The following PLD5 variants were observed in gnomAD, a reference collection of about 807,000 sequenced individuals.
PLD5 encodes phospholipase D family member 5, also known as inactive phospholipase D5.
Under a neutral mutation model 61.1 loss-of-function variants are expected in PLD5, and 36 were observed. The observed-to-expected ratio is 0.59, with a 90% CI of 0.45 to 0.78. The LOEUF is 0.78. Ranked by LOEUF, PLD5 falls within the 30% of genes least tolerant of loss-of-function variation. The pLI, the probability that PLD5 is intolerant of heterozygous loss-of-function variation, is 0.00. For synonymous variants in PLD5, 243 were observed against 242.8 expected (o/e 1.00, Z -0.01); for missense variants, 515 against 644.4 (o/e 0.80, Z 2.17).
intron 3 of PLD5, 117 bp from the exon 4 acceptor site, chr1:242,265,565 C>A: frequency 2.3e-6 from 2 of 884,276 alleles, no homozygotes; most frequent in Non-Finnish European, 3.4e-6. Flanking sequence ...AAAAGTCAAG[C>A]ATTTCAACAA....
intron 5 of PLD5, among the ~76,000 whole-genome samples, chr1:242,155,074 G>A (rs997757575): frequency 6.6e-6 from 1 of 152,134 alleles, no homozygotes; most frequent in African/African-American, 2.4e-5. Flanking sequence ...TTAGACTTGG[G>A]AGGGTGTATG....
intron 4 of PLD5, among the ~76,000 whole-genome samples, chr1:242,245,783 C>A (rs1278915745): frequency 1.3e-5 from 2 of 152,120 alleles, no homozygotes; most frequent in African/African-American, 2.4e-5. Context: ...ATTTGCTGAG[C>A]AAGAAAGACT....
At chr1:242,282,256 A>G (rs1211771646) in intron 3 of PLD5, among the ~76,000 whole-genome samples, 9 of 152,146 alleles carry the variant, frequency 5.9e-5, no homozygotes, top group Non-Finnish European at 8.8e-5. Flanking sequence ...TGATTTTGCT[A>G]TTGAGGAAAC....
chr1:242,375,933 A>C (rs759051257), intron 1 of PLD5, among the ~76,000 whole-genome samples: 45 of 152,204 alleles, frequency 3.0e-4, no homozygotes, highest in Non-Finnish European at 5.1e-4. Context: ...CCAGAACAGG[A>C]AACGCCAACT....
intron 7 of PLD5, among the ~76,000 whole-genome samples, chr1:242,110,268 AGAGT>A (rs1451214629): frequency 6.6e-6 from 1 of 151,900 alleles, no homozygotes; most frequent in Non-Finnish European, 1.5e-5. Flanking sequence ...AAGGGGAGGA[AGAGT>A]GATTTAAGGC....
At chr1:242,159,547 C>T (rs12134852) in intron 5 of PLD5, among the ~76,000 whole-genome samples, 3,738 of 152,106 alleles carry the variant, frequency 0.025, 67 homozygotes, top group Non-Finnish European at 0.035. Flanking sequence ...TATGGTTCTC[C>T]GAGGTGGGGT....
Position 242,318,981 on chromosome 1 carries a change from C to T in PLD5, c.326+29125G>A, listed in dbSNP as rs569593524. Among the ~76,000 whole-genome samples, 5 of 152,232 alleles carry T rather than the reference C, an allele frequency of 3.3e-5. No homozygotes were observed. The South Asian group carries it at 8.3e-4, about 25-fold the overall frequency. On this transcript the variant is annotated intron_variant, in intron 2 of 9. Coordinates refer to ENST00000536534, the MANE Select transcript of PLD5 (RefSeq NM_001372062.1). ...GGTGGAGGCAAGTGACTCTGTCTTG[C>T]TGATTTCAGTCTCCCCTGATGTCAC... is the stretch of plus-strand genomic sequence containing the variant.
intron 5 of PLD5, among the ~76,000 whole-genome samples, chr1:242,170,612 C>A (rs1666676339): frequency 6.6e-6 from 1 of 152,082 alleles, no homozygotes; most frequent in Non-Finnish European, 1.5e-5. Context: ...CTCCTCTGAG[C>A]TAAAGGAGCA....
chr1:242,321,892 T>C (rs949701786), intron 2 of PLD5, among the ~76,000 whole-genome samples: 4 of 152,208 alleles, frequency 2.6e-5, no homozygotes, highest in Non-Finnish European at 4.4e-5. Context: ...TCTTCACCCC[T>C]ACGCAGTTGT....
Position 242,382,128 on chromosome 1 carries a change from C to CAAAAAAAAAAAAAA in PLD5, c.190-33887_190-33886insTTTTTTTTTTTTTT, listed in dbSNP as rs34582650. 2.4e-3 allele frequency among the ~76,000 whole-genome samples: 299 copies of CAAAAAAAAAAAAAA among 125,446 alleles called. 2 individuals carry two copies. Among genetic ancestry groups the CAAAAAAAAAAAAAA allele is most frequent in the East Asian group, 7.8e-3 (34 of 4,354 alleles). The allele number at this position is 125,446 out of a possible 152,430, so 82.3% of individuals were successfully genotyped here. A position where few individuals can be genotyped will look rare whatever the true frequency, so the allele number is the denominator to read the frequency against. On this transcript the variant is annotated intron_variant, in intron 1 of 9. Coordinates refer to ENST00000536534, the MANE Select transcript of PLD5 (RefSeq NM_001372062.1). ...CAACTGATAGCGGAGACTTTGACAGCAAAAAAAAAAACAAAACAAAAAACT... is the reference window on the plus strand; with the variant it reads ...CAACTGATAGCGGAGACTTTGACAGCAAAAAAAAAAAAAAAAAAAAAAAAACAAAACAAAAAACT...
intron 5 of PLD5, among the ~76,000 whole-genome samples, chr1:242,174,350 T>C (rs538554819): frequency 6.6e-6 from 1 of 152,358 alleles, no homozygotes; most frequent in African/African-American, 2.4e-5. Flanking sequence ...CACAATGGGA[T>C]ACCACCTCAC....
At chr1:242,485,415 CAAT>C (rs1397859455) in intron 1 of PLD5, among the ~76,000 whole-genome samples, 2 of 151,402 alleles carry the variant, frequency 1.3e-5, no homozygotes, top group East Asian at 3.9e-4. Flanking sequence ...TCTTACACAC[CAAT>C]AACAGACAAA....
intron 2 of PLD5, among the ~76,000 whole-genome samples, chr1:242,338,213 C>A (rs1479581577): frequency 9.9e-5 from 15 of 151,902 alleles, no homozygotes; most frequent in Non-Finnish European, 2.2e-4. Context: ...ATAAGAATAC[C>A]CATCAGACAC....
intron 1 of PLD5, among the ~76,000 whole-genome samples, chr1:242,388,178 A>G (rs1024940172): frequency 6.6e-6 from 1 of 152,210 alleles, no homozygotes; most frequent in Non-Finnish European, 1.5e-5. Flanking sequence ...CCATTAACCT[A>G]GACGATAGTG....
intron 1 of PLD5, among the ~76,000 whole-genome samples, chr1:242,509,037 T>C (rs1320671093): frequency 6.6e-6 from 1 of 151,384 alleles, no homozygotes; most frequent in African/African-American, 2.4e-5. Flanking sequence ...GCCAAGATCA[T>C]GTCACTGCAC....
intron 8 of PLD5, among the ~76,000 whole-genome samples, chr1:242,101,062 G>A (rs1660648229): frequency 1.3e-5 from 2 of 152,216 alleles, no homozygotes; most frequent in Admixed American, 1.3e-4. Context: ...ATAAGGGCCA[G>A]AAGGTTGTTT....
intron 1 of PLD5, among the ~76,000 whole-genome samples, chr1:242,510,616 C>A (rs1435894303): frequency 1.3e-5 from 2 of 152,058 alleles, no homozygotes; most frequent in Admixed American, 6.5e-5. Flanking sequence ...GAGGCCGAGG[C>A]GGGTGGATCA....
chr1:242,242,142 C>T (rs966180724), intron 4 of PLD5, among the ~76,000 whole-genome samples: 1 of 151,728 alleles, frequency 6.6e-6, no homozygotes, highest in South Asian at 2.1e-4. Flanking sequence ...TCAACAGCGT[C>T]TGGCACATTG....
In PLD5 at chr1:242,089,699, A is replaced by C; in HGVS notation, c.*155T>G. 1 of 912,214 alleles carries C rather than the reference A, an allele frequency of 1.1e-6. No individual in the cohort carries two copies. The highest frequency in any genetic ancestry group is 1.7e-6 in the Non-Finnish European group (1 of 600,594). The allele number at this position is 912,214 out of a possible 1,614,324, so 56.5% of individuals were successfully genotyped here. ...ATTTTAGTGTACACGACGCTAAGAT[A>C]TTGTTAGATAGGTATTATGTGTTGT... On this transcript the variant is annotated 3_prime_UTR_variant, in exon 10 of 10. Coordinates refer to ENST00000536534, the MANE Select transcript of PLD5 (RefSeq NM_001372062.1).
Sources: allele counts gnomAD v4.1 joint callset (sites outside exome capture counted in the v4.1 genomes callset), GRCh38; gene constraint gnomAD v4.1.1; transcripts MANE v1.5; gene names NCBI Gene and HGNC (gene_info 2026-07-23, HGNC 2026-07-21).